CCND1: variants seen among roughly 807,000 people sequenced by gnomAD.
CCND1 encodes cyclin D1.
In CCND1, 9 loss-of-function variants were observed where a neutral mutation model predicts 26.1. The ratio of observed to expected loss-of-function variants is 0.35; its 90% CI spans 0.21 to 0.60. The LOEUF (loss-of-function observed/expected upper bound fraction) is 0.60. Ranked by LOEUF, CCND1 falls within the 20% of genes least tolerant of loss-of-function variation. CCND1 has a pLI of 0.79. For missense variants in CCND1, 335 were observed against 392.9 expected, an observed-to-expected ratio of 0.85 and a Z score of 1.25; for synonymous variants, 194 against 166.1, an observed-to-expected ratio of 1.17 and a Z score of -1.29.
intron 3 of CCND1, among the ~76,000 whole-genome samples, chr11:69,646,076 G>A (rs1333358120): frequency 6.6e-6 from 1 of 152,062 alleles, no homozygotes; most frequent in African/African-American, 2.4e-5. Context: ...GGGGGCACGA[G>A]CTTCTGAAAC....
Position 69,643,307 on chromosome 11 carries a change from G to C in CCND1, c.414+61G>C, listed in dbSNP as rs769760391. 7 of 1,385,690 alleles carry C rather than the reference G, an allele frequency of 5.1e-6. No homozygotes were observed. The East Asian group carries it at 1.3e-4, about 25-fold the overall frequency. The allele number at this position is 1,385,690 out of a possible 1,614,324, so 85.8% of individuals were successfully genotyped here. On this transcript the variant is annotated intron_variant, in intron 2 of 4. Coordinates refer to ENST00000227507, the MANE Select transcript of CCND1 (RefSeq NM_053056.3). ...GAGCCGCACGCAGGACCACGGGGCCGGGGAAGGTGCAGGCGGTGGCGGCCG... is the reference window on the plus strand; with the variant it reads ...GAGCCGCACGCAGGACCACGGGGCCCGGGAAGGTGCAGGCGGTGGCGGCCG...
At chr11:69,643,574 CT>C in intron 2 of CCND1, 1 of 456,174 alleles carries the variant, frequency 2.2e-6, no homozygotes. Context: ...GGTGGGAGGT[CT>C]TTTTGTTTCC....
intron 4 of CCND1, among the ~76,000 whole-genome samples, chr11:69,649,784 G>C (rs954091407): frequency 6.6e-6 from 1 of 152,148 alleles, no homozygotes; most frequent in Non-Finnish European, 1.5e-5. Flanking sequence ...CGGGCCGCAG[G>C]TGAAGAATCC....
In CCND1 at chr11:69,654,116, G is replaced by GGCCCCCCCCC; in HGVS notation, c.*2834_*2835insGCCCCCCCCC. ...TGCTCGGAGGCCATCTCGGGCACAG[G>GGCCCCCCCCC]CCCACCCCGCCCCACCCCTCCAGAA... is the stretch of plus-strand genomic sequence containing the variant. On this transcript the variant is annotated 3_prime_UTR_variant, in exon 5 of 5. Transcript: ENST00000227507. This position sits in a 1 kb window ranked among gnomAD's most constrained non-coding sequence, Gnocchi z 6.3. The GGCCCCCCCCC allele has an allele frequency of 1.5e-6, 1 of 651,618 alleles. No individual in the cohort carries two copies. Among genetic ancestry groups the GGCCCCCCCCC allele is most frequent in the Non-Finnish European group, 2.8e-6 (1 of 356,900 alleles). The allele number at this position is 651,618 out of a possible 1,614,324, so 40.4% of individuals were successfully genotyped here.
intron 4 of CCND1, 131 bp downstream of exon 4, chr11:69,648,273 G>A (rs893790959): frequency 6.2e-5 from 62 of 995,682 alleles, no homozygotes; most frequent in South Asian, 2.4e-4. Flanking sequence ...TGGGCCCCTC[G>A]GACCCCAGGC....
chr11:69,644,610 G>A (rs1021491804), intron 3 of CCND1, among the ~76,000 whole-genome samples: 7 of 152,168 alleles, frequency 4.6e-5, no homozygotes, highest in African/African-American at 7.2e-5. Context: ...AGCTTGGGCC[G>A]CCACCGTGGG....
intron 4 of CCND1, 118 bp downstream of exon 4, chr11:69,648,260 G>T: frequency 1.6e-6 from 2 of 1,235,858 alleles, no homozygotes; most frequent in Non-Finnish European, 2.3e-6. Context: ...TTGGGGCTGG[G>T]GCTGGGCCCC....
At chr11:69,648,636 GTCTT>G (rs1855815551) in intron 4 of CCND1, among the ~76,000 whole-genome samples, 1 of 152,256 alleles carries the variant, frequency 6.6e-6, no homozygotes, top group African/African-American at 2.4e-5. Context: ...GGATGACTGT[GTCTT>G]TCTTCTTAAA....
In CCND1 at chr11:69,651,849, C is replaced by T. The variant is rs1310492992; in HGVS notation, c.*567C>T. Reference sequence around the variant, plus strand: ...TCTAGGCATCTCTGTACTTTGCTTGCTCATATGCATGTAGTCACTTTATAA... The same window carrying T: ...TCTAGGCATCTCTGTACTTTGCTTGTTCATATGCATGTAGTCACTTTATAA... On this transcript the variant is annotated 3_prime_UTR_variant, in exon 5 of 5. Coordinates refer to ENST00000227507, the MANE Select transcript of CCND1 (RefSeq NM_053056.3). 1 of 233,116 alleles carries T rather than the reference C, an allele frequency of 4.3e-6. No individual in the cohort carries two copies. Among genetic ancestry groups the T allele is most frequent in the African/African-American group, 2.2e-5 (1 of 45,342 alleles). 14.4% of individuals were successfully genotyped at this position (233,116 alleles called of 1,614,324 possible). A position where few individuals can be genotyped will look rare whatever the true frequency, so the allele number is the denominator to read the frequency against.
At chr11:69,642,357 A>T (rs2120084986) in intron 1 of CCND1, among the ~76,000 whole-genome samples, 1 of 152,006 alleles carries the variant, frequency 6.6e-6, no homozygotes, top group Admixed American at 6.5e-5. Flanking sequence ...GGGGCCCGCA[A>T]GTATTTTAAA....
chr11:69,643,634 G>A (rs1011770622), intron 2 of CCND1, 198 bp from the exon 3 acceptor site: 5 of 535,414 alleles, frequency 9.3e-6, no homozygotes, highest in Non-Finnish European at 1.6e-5. Flanking sequence ...TTTTGATCTG[G>A]GATTGCGTGT....
In CCND1 at chr11:69,653,554, G is replaced by A. The variant is rs1431810825; in HGVS notation, c.*2272G>A. 2.0e-5 allele frequency: 11 copies of A among 544,220 alleles called. No homozygotes were observed. Among genetic ancestry groups the A allele is most frequent in the Middle Eastern group, 9.6e-4 (2 of 2,084 alleles). 33.7% of individuals were successfully genotyped at this position (544,220 alleles called of 1,614,324 possible). On this transcript the variant is annotated 3_prime_UTR_variant, in exon 5 of 5. Coordinates refer to ENST00000227507, the MANE Select transcript of CCND1 (RefSeq NM_053056.3). ...GCGGGCAGGTTCTGCCTGCTTTGGC[G>A]GGCAGACACGCGGGCGCGATCCCAC...
chr11:69,648,110 C>T lies in CCND1; in HGVS notation c.691C>T (p.Arg231Cys), dbSNP rs745779714. 4.2e-5 allele frequency: 68 copies of T among 1,613,824 alleles called. 1 individual carries two copies. Among genetic ancestry groups the T allele is most frequent in the Non-Finnish European group, 5.2e-5 (61 of 1,180,032 alleles). ...NNFLSYYRLTRFLSRVIKCDP... is the reference protein window; with the variant it reads ...NNFLSYYRLTCFLSRVIKCDP... Reference sequence around the variant, plus strand: ...CTTCCTGTCCTACTACCGCCTCACACGCTTCCTCTCCAGAGTGATCAAGTG... The same window carrying T: ...CTTCCTGTCCTACTACCGCCTCACATGCTTCCTCTCCAGAGTGATCAAGTG... Residue 231 changes from arginine to cysteine, a missense_variant, in exon 4 of 5, where the codon CGC becomes TGC. By Grantham distance (180) the Arg-to-Cys change is radical (BLOSUM62 -3). Transcript: ENST00000227507.
intron 1 of CCND1, among the ~76,000 whole-genome samples, chr11:69,642,797 C>T (rs1291708678): frequency 6.6e-6 from 1 of 151,956 alleles, no homozygotes; most frequent in Non-Finnish European, 1.5e-5. Flanking sequence ...TGTGCCCGCT[C>T]CCGCCCCCAC....
In CCND1 at chr11:69,647,979, C is replaced by T. The variant is rs760618021; in HGVS notation, c.575-15C>T. 21 of 1,613,558 alleles carry T rather than the reference C, an allele frequency of 1.3e-5. No individual in the cohort carries two copies. Among genetic ancestry groups the T allele is most frequent in the Non-Finnish European group, 1.7e-5 (20 of 1,179,912 alleles). On this transcript the variant is annotated splice_polypyrimidine_tract_variant and intron_variant, in intron 3 of 4. Coordinates refer to ENST00000227507, the MANE Select transcript of CCND1 (RefSeq NM_053056.3). ...CCCTGCTCACAGCCTCCTTCCCTCTCTCCTTCTGCCTCAGATGTGAAGTTC... is the reference window on the plus strand; with the variant it reads ...CCCTGCTCACAGCCTCCTTCCCTCTTTCCTTCTGCCTCAGATGTGAAGTTC...
rs2120092897 is a variant in CCND1, at chr11:69,643,796, C to T, written c.415-36C>T. The T allele has an allele frequency of 2.5e-6, 4 of 1,579,502 alleles. 1 individual carries two copies. Among genetic ancestry groups the T allele is most frequent in the Non-Finnish European group, 8.6e-7 (1 of 1,158,582 alleles). Reference sequence around the variant, plus strand: ...TTCCCCGCGCCCCCGGGCTGGCCCGCACCTCCCCTGATGGCCGCTCACCCT... The same window carrying T: ...TTCCCCGCGCCCCCGGGCTGGCCCGTACCTCCCCTGATGGCCGCTCACCCT... On this transcript the variant is annotated intron_variant, in intron 2 of 4. Transcript: ENST00000227507.
At chr11:69,645,127 A>C (rs896141102) in intron 3 of CCND1, among the ~76,000 whole-genome samples, 1 of 152,018 alleles carries the variant, frequency 6.6e-6, no homozygotes, top group African/African-American at 2.4e-5. Context: ...CGAGTCCCCA[A>C]GGTGGGCAGA....
rs1855693188 is a variant in CCND1 at position 69,641,203 on chromosome 11, C to T, written c.-111C>T. 3.7e-6 allele frequency: 4 copies of T among 1,089,222 alleles called. No individual in the cohort carries two copies. Among genetic ancestry groups the T allele is most frequent in the Non-Finnish European group, 4.1e-6 (3 of 729,302 alleles). The allele number at this position is 1,089,222 out of a possible 1,614,324, so 67.5% of individuals were successfully genotyped here. A position where few individuals can be genotyped will look rare whatever the true frequency, so the allele number is the denominator to read the frequency against. On this transcript the variant is annotated 5_prime_UTR_variant, in exon 1 of 5. Transcript: ENST00000227507. ...AGCGAGCAGCAGAGTCCGCACGCTC[C>T]GGCGAGGGGCAGAAGAGCGCGAGGG...
Position 69,648,108 on chromosome 11 carries a change from C to T in CCND1, c.689C>T (p.Thr230Ile), listed in dbSNP as rs984643266. 1.5e-5 allele frequency: 24 copies of T among 1,613,958 alleles called. No homozygotes were observed. Among genetic ancestry groups the T allele is most frequent in the Non-Finnish European group, 1.9e-5 (23 of 1,180,018 alleles). Residue 230 changes from threonine to isoleucine, a missense_variant, in exon 4 of 5, where the codon ACA becomes ATA. Transcript: ENST00000227507. ...AACTTCCTGTCCTACTACCGCCTCA[C>T]ACGCTTCCTCTCCAGAGTGATCAAG... ...PNNFLSYYRL[T>I]RFLSRVIKCD...
Sources: gnomAD v4.1 joint callset for allele counts (sites outside exome capture counted in the v4.1 genomes callset) on GRCh38, gnomAD v4.1.1 for gene constraint, Gnocchi (gnomAD v3.1) non-coding constraint, MANE v1.5 for transcripts, NCBI Gene and HGNC (gene_info 2026-07-23, HGNC 2026-07-21) for gene names.